The following NAV3 variants were observed in gnomAD, a reference collection of about 807,000 sequenced individuals.
NAV3 encodes neuron navigator 3, also known as pore membrane and/or filament interacting like protein 1.
In NAV3, 87 loss-of-function variants were observed where a neutral mutation model predicts 244.7. The ratio of observed to expected loss-of-function variants is 0.36; its 90% CI spans 0.30 to 0.42. NAV3 has a LOEUF of 0.42. Ranked by LOEUF, NAV3 falls within the 20% of genes least tolerant of loss-of-function variation. The pLI is 1.00. For missense variants in NAV3, 2,663 were observed against 2,893.3 expected (o/e 0.92, Z 1.83); for synonymous variants, 1,126 against 1,042.2 (o/e 1.08, Z -1.55).
At chr12:77,586,922 A>G (rs1462218155) in intron 2 of NAV3, among the ~76,000 whole-genome samples, 1 of 152,192 alleles carries the variant, frequency 6.6e-6, no homozygotes, top group Non-Finnish European at 1.5e-5. Flanking sequence ...AATGAGAATC[A>G]GAGTTTGATC....
chr12:77,792,473 C>T (rs1871223514), intron 2 of NAV3, among the ~76,000 whole-genome samples: 1 of 152,166 alleles, frequency 6.6e-6, no homozygotes, highest in South Asian at 2.1e-4. Flanking sequence ...CTACAGGGAG[C>T]ATCATACAAG....
At chr12:77,955,317 A>G (rs1164164328) in intron 3 of NAV3, among the ~76,000 whole-genome samples, 1 of 152,094 alleles carries the variant, frequency 6.6e-6, no homozygotes, top group Non-Finnish European at 1.5e-5. Context: ...ACCTCGTACC[A>G]CATCCCCTCC....
At chr12:77,836,689 CA>C (rs550070830) in intron 1 of NAV3, among the ~76,000 whole-genome samples, 235 of 152,218 alleles carry the variant, frequency 1.5e-3, no homozygotes, top group Non-Finnish European at 2.9e-3. Context: ...AATGATGTAA[CA>C]GCAATATTTT....
Position 77,755,611 on chromosome 12 carries a change from C to CTCCTTCCTTCCTTCCT in NAV3, c.72+183377_72+183392dup, listed in dbSNP as rs1186550811. 6.7e-3 allele frequency among the ~76,000 whole-genome samples: 257 copies of CTCCTTCCTTCCTTCCT among 38,236 alleles called. 15 individuals are homozygous for CTCCTTCCTTCCTTCCT. Among genetic ancestry groups the CTCCTTCCTTCCTTCCT allele is most frequent in the Non-Finnish European group, 9.2e-3 (185 of 20,218 alleles). The allele number at this position is 38,236 out of a possible 152,430, so 25.1% of individuals were successfully genotyped here. On this transcript the variant is annotated intron_variant, in intron 2 of 8. Transcript: ENST00000550042. ...CCTCCCTCCCTCCCTCCCTCCCTCC[C>CTCCTTCCTTCCTTCCT]TCCTTCCTTCCTTCCTTCCTTCCTT...
At chr12:78,003,691 A>G (rs965359318) in intron 7 of NAV3, among the ~76,000 whole-genome samples, 1 of 152,242 alleles carries the variant, frequency 6.6e-6, no homozygotes, top group Admixed American at 6.5e-5. Context: ...TGTGACTGCC[A>G]CATTTACATC....
At chr12:78,008,529 G>T (rs1239751240) in intron 8 of NAV3, among the ~76,000 whole-genome samples, 1 of 151,984 alleles carries the variant, frequency 6.6e-6, no homozygotes, top group East Asian at 1.9e-4. Context: ...ACTACAGAAA[G>T]AAAATTTTAT....
chr12:77,626,571 A>G (rs552338868), intron 2 of NAV3, among the ~76,000 whole-genome samples: 9 of 152,162 alleles, frequency 5.9e-5, no homozygotes, highest in Non-Finnish European at 1.2e-4. Context: ...GTCACATATA[A>G]GGGCATCTCC....
At chr12:77,597,674 G>A (rs1870233320) in intron 2 of NAV3, among the ~76,000 whole-genome samples, 1 of 151,992 alleles carries the variant, frequency 6.6e-6, no homozygotes, top group African/African-American at 2.4e-5. Flanking sequence ...CATGCTTTCT[G>A]ATATTAAATA....
At chr12:77,820,734 G>T (rs1242138678) in intron 2 of NAV3, among the ~76,000 whole-genome samples, 1 of 152,104 alleles carries the variant, frequency 6.6e-6, no homozygotes, top group East Asian at 1.9e-4. Context: ...TCAAGTGGTT[G>T]TTGACTCTGC....
intron 1 of NAV3, among the ~76,000 whole-genome samples, chr12:77,853,307 A>G (rs1375193978): frequency 6.6e-6 from 1 of 152,176 alleles, no homozygotes; most frequent in Non-Finnish European, 1.5e-5. Context: ...TTTTCTGCTT[A>G]CTTTTCTAAT....
In NAV3 at chr12:77,966,247, T is replaced by C; in HGVS notation, c.433T>C (p.Cys145Arg). The change falls in exon 4 of 40, where the codon TGC (cysteine) becomes CGC (arginine). Residue 145 changes from cysteine to arginine, a missense_variant. Cys to Arg is a radical substitution (Grantham distance 180). This residue lies in a region of NAV3 where 1,521 missense variants were observed against 1,497.0 expected (regional missense o/e 1.02). Coordinates refer to ENST00000397909, the MANE Select transcript of NAV3 (RefSeq NM_001024383.2). The part of the protein sequence containing the change: ...QSQMIENVDV[C>R]LSFLAARGVN... Reference sequence around the variant, plus strand: ...GTTGCAGATTGAAAATGTTGATGTCTGCCTTAGTTTTCTAGCAGCCAGAGG... The same window carrying C: ...GTTGCAGATTGAAAATGTTGATGTCCGCCTTAGTTTTCTAGCAGCCAGAGG... The C allele has an allele frequency of 6.2e-7, 1 of 1,613,726 alleles. No individual in the cohort carries two copies. The highest frequency in any genetic ancestry group is 8.5e-7 in the Non-Finnish European group (1 of 1,179,818).
intron 2 of NAV3, among the ~76,000 whole-genome samples, chr12:77,576,311 C>T (rs761931448): frequency 1.2e-4 from 18 of 151,588 alleles, no homozygotes; most frequent in African/African-American, 3.6e-4. Context: ...CAAGTTTAAG[C>T]GGAGGGTTAG....
intron 2 of NAV3, among the ~76,000 whole-genome samples, chr12:77,758,568 T>G (rs1869306743): frequency 6.6e-6 from 1 of 152,214 alleles, no homozygotes; most frequent in Non-Finnish European, 1.5e-5. Context: ...TATTTATACT[T>G]TTATTACCCA....
In NAV3 at chr12:77,916,087, T is replaced by C. The variant is rs1887114536; in HGVS notation, c.244-24232T>C. On this transcript the variant is annotated intron_variant, in intron 1 of 39. Transcript: ENST00000397909. ...GACAGGCCACTCTGAGATGGTGATA[T>C]TTGATCAGAGACATGACTTAAATGA... Among the ~76,000 whole-genome samples, 6 of 152,012 alleles carry C rather than the reference T, an allele frequency of 3.9e-5. No individual in the cohort carries two copies. The South Asian group carries it at 1.2e-3, about 32-fold the overall frequency.
chr12:77,596,082 C>T (rs1250846309), intron 2 of NAV3, among the ~76,000 whole-genome samples: 2 of 152,110 alleles, frequency 1.3e-5, no homozygotes, highest in African/African-American at 4.8e-5. Flanking sequence ...AGTCAGATAA[C>T]TAGTAGTGAC....
intron 2 of NAV3, among the ~76,000 whole-genome samples, chr12:77,573,335 A>G (rs577350073): frequency 1.6e-3 from 247 of 152,298 alleles, no homozygotes; most frequent in African/African-American, 5.7e-3. Flanking sequence ...TGCAACTGGC[A>G]TGGGGCTACA....
At chr12:78,193,075 A>G (rs936082133) in intron 34 of NAV3, among the ~76,000 whole-genome samples, 2 of 152,208 alleles carry the variant, frequency 1.3e-5, no homozygotes, top group African/African-American at 2.4e-5. Flanking sequence ...GTAAATGCTG[A>G]CGCATTTTAT....
intron 31 of NAV3, among the ~76,000 whole-genome samples, chr12:78,186,748 A>G (rs1167661190): frequency 1.3e-5 from 2 of 151,886 alleles, no homozygotes; most frequent in East Asian, 3.9e-4. Flanking sequence ...TAATAAAATA[A>G]CAGACTAGGT....
At chr12:77,805,775 G>A (rs1490780522) in intron 2 of NAV3, among the ~76,000 whole-genome samples, 1 of 152,114 alleles carries the variant, frequency 6.6e-6, no homozygotes, top group African/African-American at 2.4e-5. Flanking sequence ...GGTAGAACTT[G>A]GCTGTGAATC....
Sources: allele counts gnomAD v4.1 joint callset (sites outside exome capture counted in the v4.1 genomes callset), GRCh38; gene constraint gnomAD v4.1.1; regional missense constraint gnomAD v4.1.1; transcripts MANE v1.5; gene names NCBI Gene and HGNC (gene_info 2026-07-23, HGNC 2026-07-21).